The following PTPRK variants were observed in gnomAD, a reference collection of about 807,000 sequenced individuals.
PTPRK encodes protein tyrosine phosphatase receptor type K, also known as receptor-type tyrosine-protein phosphatase kappa.
Under a neutral mutation model 178.0 loss-of-function variants are expected in PTPRK, and 75 were observed. The ratio of observed to expected loss-of-function variants is 0.42; its 90% CI spans 0.35 to 0.51. The LOEUF (loss-of-function observed/expected upper bound fraction) is 0.51. Among genes scored for constraint, PTPRK ranks in the 20% least tolerant of loss-of-function variants. The probability of loss-of-function intolerance (pLI) is 0.02; values close to 1 mark genes in which losing one functional copy is unlikely to be tolerated. For missense variants in PTPRK, 1,441 were observed against 1,797.8 expected, an observed-to-expected ratio of 0.80 and a Z score of 3.59; for synonymous variants, 637 against 620.6, an observed-to-expected ratio of 1.03 and a Z score of -0.39.
intron 24 of PTPRK, among the ~76,000 whole-genome samples, chr6:127,982,066 C>T (rs939833483): frequency 6.6e-6 from 1 of 152,140 alleles, no homozygotes; most frequent in African/African-American, 2.4e-5. Flanking sequence ...TCTTGAACTG[C>T]TGACCTCAAG....
At chr6:128,335,752 T>C (rs1247457071) in intron 2 of PTPRK, among the ~76,000 whole-genome samples, 1 of 151,912 alleles carries the variant, frequency 6.6e-6, no homozygotes, top group Non-Finnish European at 1.5e-5. Flanking sequence ...GATCGTCAAC[T>C]ATAGCTCAAG....
intron 1 of PTPRK, among the ~76,000 whole-genome samples, chr6:128,426,020 A>C (rs759384215): frequency 6.6e-6 from 1 of 152,240 alleles, no homozygotes; most frequent in Non-Finnish European, 1.5e-5. Context: ...TCCAGGAGGC[A>C]GATATAGTAC....
chr6:128,206,719 A>AT (rs1047920786), intron 6 of PTPRK, among the ~76,000 whole-genome samples: 2 of 152,122 alleles, frequency 1.3e-5, no homozygotes, highest in African/African-American at 4.8e-5. Flanking sequence ...TTGCCAACTC[A>AT]TTTTTATGAG....
At chr6:128,093,321 T>A (rs1177627652) in intron 7 of PTPRK, among the ~76,000 whole-genome samples, 1 of 151,984 alleles carries the variant, frequency 6.6e-6, no homozygotes, top group Admixed American at 6.6e-5. Flanking sequence ...ATGCTGGGCA[T>A]GGTGGCTCAC....
intron 7 of PTPRK, among the ~76,000 whole-genome samples, chr6:128,152,643 G>T (rs114311685): frequency 6.6e-6 from 1 of 151,960 alleles, no homozygotes; most frequent in East Asian, 1.9e-4. Flanking sequence ...CAGTGTGTGG[G>T]TGCTCATGGA....
intron 3 of PTPRK, among the ~76,000 whole-genome samples, chr6:128,260,226 T>C (rs543412895): frequency 6.6e-6 from 1 of 152,248 alleles, no homozygotes; most frequent in African/African-American, 2.4e-5. Context: ...TCATTCTAAA[T>C]GTAACAGAAC....
intron 1 of PTPRK, chr6:128,409,321 T>C: frequency 2.2e-6 from 1 of 455,190 alleles, no homozygotes; most frequent in Non-Finnish European, 4.4e-6. Context: ...TTTCAGTAAC[T>C]GCAGGCCTTT....
At chr6:128,302,163 C>T (rs1000387994) in intron 3 of PTPRK, among the ~76,000 whole-genome samples, 2 of 151,784 alleles carry the variant, frequency 1.3e-5, no homozygotes, top group Non-Finnish European at 2.9e-5. Context: ...CCGGGGTGGG[C>T]GGATCACGAG....
chr6:128,126,245 G>C (rs532958920), intron 7 of PTPRK, among the ~76,000 whole-genome samples: 1 of 151,938 alleles, frequency 6.6e-6, no homozygotes, highest in Non-Finnish European at 1.5e-5. Context: ...AGGCCCCAGC[G>C]TGTGATGTTC....
chr6:128,058,207 G>A (rs1780224195), intron 13 of PTPRK, among the ~76,000 whole-genome samples: 1 of 152,086 alleles, frequency 6.6e-6, no homozygotes, highest in African/African-American at 2.4e-5. Context: ...TTGGGACATG[G>A]GTTTACTTTC....
chr6:128,362,864 G>A (rs1013717583), intron 2 of PTPRK, among the ~76,000 whole-genome samples: 1 of 151,900 alleles, frequency 6.6e-6, no homozygotes, highest in Non-Finnish European at 1.5e-5. Flanking sequence ...AAGAAAGCCC[G>A]GTACAAATAC....
intron 1 of PTPRK, among the ~76,000 whole-genome samples, chr6:128,441,274 G>A (rs1451672525): frequency 6.6e-6 from 1 of 152,080 alleles, no homozygotes. Context: ...AGCATTCCAT[G>A]TTTTCTAAGG....
At chr6:128,032,697 C>T (rs1238245129) in intron 13 of PTPRK, among the ~76,000 whole-genome samples, 1 of 152,080 alleles carries the variant, frequency 6.6e-6, no homozygotes, top group Non-Finnish European at 1.5e-5. Flanking sequence ...GGATGAAAGG[C>T]CTCCAGGGTT....
At chr6:128,294,821 A>G (rs1181846906) in intron 3 of PTPRK, among the ~76,000 whole-genome samples, 1 of 152,104 alleles carries the variant, frequency 6.6e-6, no homozygotes, top group Non-Finnish European at 1.5e-5. Context: ...CTGCTTTATC[A>G]TAAATTCAAA....
At chr6:128,219,666 C>T (rs73588698) in intron 5 of PTPRK, among the ~76,000 whole-genome samples, 5,708 of 152,188 alleles carry the variant, frequency 0.038, 234 homozygotes, top group African/African-American at 0.1. Context: ...GCTACTACAC[C>T]AGAGTAAATG....
At chr6:128,178,686 T>TCTATCTAC (rs1801468109) in intron 7 of PTPRK, among the ~76,000 whole-genome samples, 1 of 151,608 alleles carries the variant, frequency 6.6e-6, no homozygotes, top group African/African-American at 2.4e-5. Flanking sequence ...TATCTATCTA[T>TCTATCTAC]CTATCTATCT....
intron 1 of PTPRK, among the ~76,000 whole-genome samples, chr6:128,516,903 C>T (rs1217197635): frequency 1.3e-5 from 2 of 151,690 alleles, no homozygotes; most frequent in South Asian, 4.2e-4. Context: ...TTAATAGTGA[C>T]TCTTCCATGG....
At chr6:128,358,127 C>G (rs1834198659) in intron 2 of PTPRK, among the ~76,000 whole-genome samples, 1 of 152,226 alleles carries the variant, frequency 6.6e-6, no homozygotes, top group African/African-American at 2.4e-5. Flanking sequence ...CTACCTCCTT[C>G]ATAAGTTAGA....
At chr6:128,217,685 G>C (rs530579345) in intron 6 of PTPRK, among the ~76,000 whole-genome samples, 3 of 152,008 alleles carry the variant, frequency 2.0e-5, no homozygotes, top group Non-Finnish European at 4.4e-5. Flanking sequence ...CTTCCAGCCC[G>C]TAGGCCTCGG....
Sources: gnomAD v4.1 joint callset for allele counts (sites outside exome capture counted in the v4.1 genomes callset) on GRCh38, gnomAD v4.1.1 for gene constraint, MANE v1.5 for transcripts, NCBI Gene and HGNC (gene_info 2026-07-23, HGNC 2026-07-21) for gene names.